The following PGM3 variants were observed in gnomAD, a reference collection of about 807,000 sequenced individuals.
The protein encoded by PGM3 is phosphoacetylglucosamine mutase.
In PGM3, 40 loss-of-function variants were observed where a neutral mutation model predicts 66.2. That is an observed-to-expected ratio of 0.60 (90% CI 0.47 to 0.79). The LOEUF (loss-of-function observed/expected upper bound fraction) is 0.79, where lower values mean the gene tolerates loss of function less well. Among genes scored for constraint, PGM3 ranks in the 30% least tolerant of loss-of-function variants. The pLI is 0.00. For synonymous variants in PGM3, 191 were observed against 224.2 expected (o/e 0.85, Z 1.32); for missense variants, 537 against 643.4 (o/e 0.83, Z 1.79).
the PGM3 span, among the ~76,000 whole-genome samples, chr6:83,154,965 T>C: frequency 6.6e-6 from 1 of 152,208 alleles, no homozygotes; most frequent in Non-Finnish European, 1.5e-5. Context: ...TTCAGATTTA[T>C]CCATTCAACA....
rs533094681 is a variant in PGM3 at position 83,165,823 on chromosome 6, C to G, written c.*3411G>C. 2 of 315,164 alleles carry G rather than the reference C, an allele frequency of 6.3e-6. No homozygotes were observed. The highest frequency in any genetic ancestry group is 1.8e-4 in the East Asian group (2 of 11,314). 19.5% of individuals were successfully genotyped at this position (315,164 alleles called of 1,614,324 possible). A position where few individuals can be genotyped will look rare whatever the true frequency, so the allele number is the denominator to read the frequency against. ...AAAGAATTGGGCCCTTTCTGGTGGCCAATGCCGGCTGCAGGCATTGCAGTT... is the reference window on the plus strand; with the variant it reads ...AAAGAATTGGGCCCTTTCTGGTGGCGAATGCCGGCTGCAGGCATTGCAGTT... On this transcript the variant is annotated 3_prime_UTR_variant, in exon 13 of 13. Transcript: ENST00000513973.
At chr6:83,151,899 T>C in the PGM3 span, 13 of 1,613,780 alleles carry the variant, frequency 8.1e-6, no homozygotes, top group Non-Finnish European at 1.1e-5. Flanking sequence ...ACTCACAAAA[T>C]AGTGGATGCA....
the PGM3 span, chr6:83,153,755 CAT>C: frequency 8.6e-7 from 1 of 1,165,848 alleles, no homozygotes; most frequent in Non-Finnish European, 1.2e-6. Flanking sequence ...TAAAAAAATT[CAT>C]ATATTATTTT....
intron 11 of PGM3, chr6:83,171,365 ATATTATTTAT>A (rs1787078982): frequency 6.6e-6 from 1 of 152,168 alleles, no homozygotes; most frequent in Admixed American, 6.5e-5. Context: ...TGCGTCATTC[ATATTATTTAT>A]TATATCATAA....
rs1583223092 is a variant in PGM3 at position 83,166,571 on chromosome 6, A to G, written c.*2663T>C. ...ATAAGTCATTAGCAAAAAAAAAGTG[A>G]GAAATATGCTTAAAATGATGTATAA... On this transcript the variant is annotated 3_prime_UTR_variant, in exon 13 of 13. Coordinates refer to ENST00000513973, the MANE Select transcript of PGM3 (RefSeq NM_015599.3). 4.8e-6 allele frequency: 3 copies of G among 624,298 alleles called. No individual in the cohort carries two copies. The highest frequency in any genetic ancestry group is 8.1e-6 in the Non-Finnish European group (3 of 369,202). The allele number at this position is 624,298 out of a possible 1,614,324, so 38.7% of individuals were successfully genotyped here.
chr6:83,188,803 A>G lies in PGM3; in HGVS notation c.205-5T>C. 6.2e-7 allele frequency: 1 copy of G among 1,613,116 alleles called. No individual in the cohort carries two copies. The highest frequency in any genetic ancestry group is 8.5e-7 in the Non-Finnish European group (1 of 1,179,204). On this transcript the variant is annotated splice_polypyrimidine_tract_variant and splice_region_variant and intron_variant, in intron 2 of 12. Coordinates refer to ENST00000513973, the MANE Select transcript of PGM3 (RefSeq NM_015599.3). Reference sequence around the variant, plus strand: ...CAATTTTACACCATTGTCTTCCTTAAAAGAAAAACAAACAATAAGCAATCT... The same window carrying G: ...CAATTTTACACCATTGTCTTCCTTAGAAGAAAAACAAACAATAAGCAATCT...
In PGM3 at chr6:83,170,104, G is replaced by T. The variant is rs1411732450; in HGVS notation, c.1539+201C>A. Reference sequence around the variant, plus strand: ...CTAGAATAAGTCAAAAATATTTGGGGAAATAAACTAAGTGGGTCTAATTTT... The same window carrying T: ...CTAGAATAAGTCAAAAATATTTGGGTAAATAAACTAAGTGGGTCTAATTTT... On this transcript the variant is annotated intron_variant, in intron 12 of 12. Transcript: ENST00000513973. Among the ~76,000 whole-genome samples the T allele has an allele frequency of 3.3e-5, 5 of 152,172 alleles. 1 individual carries two copies. Among genetic ancestry groups the T allele is most frequent in the South Asian group, 4.1e-4 (2 of 4,824 alleles).
chr6:83,175,846 G>C, intron 9 of PGM3, 116 bp downstream of exon 9: 1 of 593,244 alleles, frequency 1.7e-6, no homozygotes. Context: ...GGATCTTTTT[G>C]TCACATCCAA....
At chr6:83,158,643 ATTG>A (rs552618558), downstream of PGM3, 850 of 1,555,500 alleles carry the variant, frequency 5.5e-4, 8 homozygotes, top group Middle Eastern at 9.5e-3. Context: ...ATTTAAATAT[ATTG>A]TTGTCCATTT....
intron 4 of PGM3, among the ~76,000 whole-genome samples, chr6:83,184,096 ATACTT>A (rs1219922543): frequency 1.2e-4 from 18 of 152,316 alleles, no homozygotes; most frequent in African/African-American, 4.3e-4. Context: ...CCAAAGGACT[ATACTT>A]TCATTGTAAA....
Position 83,191,032 on chromosome 6 carries a change from A to G in PGM3, c.-2-18T>C. On this transcript the variant is annotated intron_variant, in intron 1 of 12. Coordinates refer to ENST00000513973, the MANE Select transcript of PGM3 (RefSeq NM_015599.3). Reference sequence around the variant, plus strand: ...ATCCATGTCTACAAAATTAAGAAATATTGTTTCGGGCATAACAAGTAATTT... The same window carrying G: ...ATCCATGTCTACAAAATTAAGAAATGTTGTTTCGGGCATAACAAGTAATTT... 1 of 1,599,796 alleles carries G rather than the reference A, an allele frequency of 6.3e-7. No homozygotes were observed. Among genetic ancestry groups the G allele is most frequent in the East Asian group, 2.2e-5 (1 of 44,796 alleles).
chr6:83,163,238 A>G (rs1784653473), downstream of PGM3, among the ~76,000 whole-genome samples: 1 of 152,198 alleles, frequency 6.6e-6, no homozygotes, highest in South Asian at 2.1e-4. Context: ...CATACATGTG[A>G]GTATTTAAGA....
chr6:83,182,233 A>G (rs2128497790), intron 5 of PGM3, among the ~76,000 whole-genome samples: 1 of 152,326 alleles, frequency 6.6e-6, no homozygotes, highest in South Asian at 2.1e-4. Context: ...CAAGGGAGCC[A>G]TTCAAATGCA....
chr6:83,158,737 T>C (rs1583175021), downstream of PGM3: 6 of 731,344 alleles, frequency 8.2e-6, no homozygotes, highest in East Asian at 1.7e-4. Flanking sequence ...TTTATTATTA[T>C]CTAATTGATT....
At chr6:83,161,327 G>A (rs749056608), downstream of PGM3, 77 of 152,082 alleles carry the variant, frequency 5.1e-4, no homozygotes, top group Non-Finnish European at 9.6e-4. Flanking sequence ...CTATAAAGTA[G>A]AAAGTGTAAA....
At chr6:83,158,810 G>C (rs1156476953), downstream of PGM3, among the ~76,000 whole-genome samples, 1 of 152,092 alleles carries the variant, frequency 6.6e-6, no homozygotes, top group Non-Finnish European at 1.5e-5. Flanking sequence ...TAAGCCATCA[G>C]CATTCATTGC....
intron 10 of PGM3, 81 bp from the exon 11 acceptor site, chr6:83,172,140 TCA>T (rs770620297): frequency 1.6e-5 from 23 of 1,422,232 alleles, no homozygotes; most frequent in African/African-American, 1.3e-4. Flanking sequence ...AGAAAACCAA[TCA>T]CAGTACAGGT....
Position 83,178,652 on chromosome 6 carries a change from A to G in PGM3, c.1029+21T>C, listed in dbSNP as rs372247250. 39 of 1,432,594 alleles carry G rather than the reference A, an allele frequency of 2.7e-5. No homozygotes were observed. The African/African-American group carries it at 4.9e-4, about 18-fold the overall frequency. 88.7% of individuals were successfully genotyped at this position (1,432,594 alleles called of 1,614,324 possible). The stretch of plus-strand genomic sequence containing the variant: ...ATGATCTTAATTAAGAAACTACCAG[A>G]AAACAAAAATGGTTCAATACCTTCA... On this transcript the variant is annotated intron_variant, in intron 8 of 12. Transcript: ENST00000513973.
chr6:83,176,312 TG>T (rs1482693967), intron 8 of PGM3, among the ~76,000 whole-genome samples: 2 of 152,024 alleles, frequency 1.3e-5, no homozygotes, highest in African/African-American at 4.8e-5. Flanking sequence ...AGATTACAAG[TG>T]GGGGCGTGAC....
Sources: allele counts gnomAD v4.1 joint callset (sites outside exome capture counted in the v4.1 genomes callset), GRCh38; gene constraint gnomAD v4.1.1; transcripts MANE v1.5; gene names NCBI Gene and HGNC (gene_info 2026-07-23, HGNC 2026-07-21).